CFAP47: variants seen among roughly 807,000 people sequenced by gnomAD.
The protein encoded by CFAP47 is cilia and flagella associated protein 47.
A neutral mutation model predicts 148.1 loss-of-function variants in CFAP47; 29 were observed. The observed-to-expected ratio is 0.20, with a 90% CI of 0.15 to 0.27. The LOEUF (loss-of-function observed/expected upper bound fraction) is 0.27, where lower values mean the gene tolerates loss of function less well. Among genes scored for constraint, CFAP47 ranks in the 10% least tolerant of loss-of-function variants. CFAP47 has a pLI of 1.00. For synonymous variants in CFAP47, 664 were observed against 577.3 expected (o/e 1.15, Z -2.15); for missense variants, 1,872 against 1,697.5 (o/e 1.10, Z -1.81).
At chrX:36,366,323 T>A (rs901260742) in intron 61 of CFAP47, among the ~76,000 whole-genome samples, 6 of 111,795 alleles carry the variant, frequency 5.4e-5, no homozygotes, top group African/African-American at 1.9e-4. Flanking sequence ...CTCTCCACTC[T>A]TTGTCATAGT....
chrX:36,378,058 C>T (rs1368072952), intron 62 of CFAP47, among the ~76,000 whole-genome samples: 2 of 111,971 alleles, frequency 1.8e-5, no homozygotes, highest in Non-Finnish European at 3.8e-5. Flanking sequence ...GCATCCTCTC[C>T]TATGTCTCAC....
intron 27 of CFAP47, among the ~76,000 whole-genome samples, chrX:36,069,455 G>A (rs1164552748): frequency 9.0e-6 from 1 of 111,272 alleles, no homozygotes; most frequent in Non-Finnish European, 1.9e-5. Context: ...CTTGTTGTTA[G>A]ATTATTAAGC....
intron 49 of CFAP47, among the ~76,000 whole-genome samples, chrX:36,254,305 A>G (rs1474930640): frequency 2.7e-5 from 3 of 111,364 alleles, no homozygotes; most frequent in Non-Finnish European, 5.7e-5. Flanking sequence ...CTGTAAATTA[A>G]AAAGTAGATG....
intron 45 of CFAP47, among the ~76,000 whole-genome samples, chrX:36,210,725 C>T (rs1012312030): frequency 1.2e-4 from 14 of 112,011 alleles, no homozygotes; most frequent in African/African-American, 4.5e-4. Flanking sequence ...TCCAGTTTAA[C>T]TGTTTTTGTT....
At chrX:36,140,719 T>C (rs73629589) in intron 35 of CFAP47, among the ~76,000 whole-genome samples, 6,501 of 111,898 alleles carry the variant, frequency 0.058, 503 homozygotes, top group African/African-American at 0.2. Context: ...ATGGACTTAA[T>C]TATTAATGCT....
At chrX:36,171,322 T>C (rs1436541353) in intron 39 of CFAP47, among the ~76,000 whole-genome samples, 1 of 111,023 alleles carries the variant, frequency 9.0e-6, no homozygotes, top group Non-Finnish European at 1.9e-5. Flanking sequence ...TTTGTCAATT[T>C]TGGCTTCTGT....
chrX:36,041,883 G>A (rs188236868), intron 25 of CFAP47, among the ~76,000 whole-genome samples: 11 of 95,370 alleles, frequency 1.2e-4, no homozygotes, highest in African/African-American at 4.0e-4. Context: ...CCGAAATTGC[G>A]CCACTGCACT....
chrX:36,119,154 A>G (rs1428226036), intron 33 of CFAP47, among the ~76,000 whole-genome samples: 1 of 111,966 alleles, frequency 8.9e-6, no homozygotes, highest in Admixed American at 9.5e-5. Context: ...TGTTCCATAC[A>G]TCAGAGGAAA....
intron 63 of CFAP47, 150 bp from the exon 64 acceptor site, chrX:36,384,647 A>G (rs1942110447): frequency 2.3e-6 from 1 of 431,300 alleles, no homozygotes. Flanking sequence ...TTTATTTTCC[A>G]CATTAATTGT....
intron 33 of CFAP47, among the ~76,000 whole-genome samples, chrX:36,129,746 C>T (rs1938910682): frequency 9.0e-6 from 1 of 110,933 alleles, no homozygotes; most frequent in Admixed American, 9.6e-5. Context: ...GTTGTTTTAA[C>T]ATAAATGCCA....
rs750941476 is a variant in CFAP47, at chrX:36,012,083, C to A, written c.3418-2691C>A. On this transcript the variant is annotated intron_variant, in intron 21 of 63. Coordinates refer to ENST00000378653, the MANE Select transcript of CFAP47 (RefSeq NM_001304548.2). Reference sequence around the variant, plus strand: ...TTAAAAAAACATCATCATCACTGGTCAGTAGAGAAATGCAAATCAGAATTA... The same window carrying A: ...TTAAAAAAACATCATCATCACTGGTAAGTAGAGAAATGCAAATCAGAATTA... 3.6e-5 allele frequency among the ~76,000 whole-genome samples: 4 copies of A among 111,377 alleles called. No homozygotes were observed. In the South Asian group the frequency reaches 1.5e-3, roughly 42 times the overall value.
chrX:36,185,965 CAT>C (rs1411934405), intron 40 of CFAP47, among the ~76,000 whole-genome samples: 2 of 111,484 alleles, frequency 1.8e-5, no homozygotes, highest in African/African-American at 6.5e-5. Flanking sequence ...AGGATTTTAA[CAT>C]ATAAATTTGG....
chrX:35,967,584 T>A (rs201680813), intron 9 of CFAP47, 35 bp from the exon 10 acceptor site: 17 of 1,029,941 alleles, frequency 1.7e-5, no homozygotes, highest in African/African-American at 7.6e-5. Flanking sequence ...AAATTAAAAA[T>A]ACCATCTATA....
chrX:36,160,048 A>G (rs1939411314), intron 38 of CFAP47, among the ~76,000 whole-genome samples: 1 of 111,989 alleles, frequency 8.9e-6, no homozygotes, highest in African/African-American at 3.2e-5. Flanking sequence ...ATGGTACAGA[A>G]TAAGTAAATT....
chrX:36,057,043 C>G (rs1937560019), intron 26 of CFAP47, among the ~76,000 whole-genome samples: 1 of 111,844 alleles, frequency 8.9e-6, no homozygotes, highest in African/African-American at 3.3e-5. Flanking sequence ...CAACCTATGA[C>G]AATTAGGGAT....
rs182279189 is a variant in CFAP47, at chrX:36,283,494, G to A, written c.7589-2135G>A. On this transcript the variant is annotated intron_variant, in intron 50 of 63. Transcript: ENST00000378653. ...CAACTTAGCCAGGCCACAGGGCCCA[G>A]ATACTTGGTCAACTTTATTTTTAAT... is the stretch of plus-strand genomic sequence containing the variant. Among the ~76,000 whole-genome samples, 13 of 111,996 alleles carry A rather than the reference G, an allele frequency of 1.2e-4. No homozygotes were observed. The East Asian group carries it at 3.7e-3, about 31-fold the overall frequency.
chrX:36,120,955 G>A (rs1938732188), intron 33 of CFAP47, among the ~76,000 whole-genome samples: 1 of 111,507 alleles, frequency 9.0e-6, no homozygotes, highest in African/African-American at 3.3e-5. Context: ...GCTTGAAAGT[G>A]GGGTGTTGAA....
chrX:36,065,062 T>C (rs1165363975), intron 26 of CFAP47, among the ~76,000 whole-genome samples: 2 of 112,205 alleles, frequency 1.8e-5, no homozygotes, highest in Non-Finnish European at 3.8e-5. Flanking sequence ...TTTGGAGACC[T>C]GGCAGTAGAA....
At chrX:36,052,370 T>A (rs1180251938) in intron 26 of CFAP47, among the ~76,000 whole-genome samples, 1 of 112,296 alleles carries the variant, frequency 8.9e-6, no homozygotes, top group Non-Finnish European at 1.9e-5. Context: ...CTGGATTATA[T>A]ATATCCTCTG....
Sources: gnomAD v4.1 joint callset for allele counts (sites outside exome capture counted in the v4.1 genomes callset) on GRCh38, gnomAD v4.1.1 for gene constraint, MANE v1.5 for transcripts, NCBI Gene and HGNC (gene_info 2026-07-23, HGNC 2026-07-21) for gene names.